Variants in NDUFA12 observed in about 807,000 individuals in gnomAD.
NDUFA12 encodes the protein NADH:ubiquinone oxidoreductase subunit A12, also known as NADH dehydrogenase [ubiquinone] 1 alpha subcomplex subunit 12.
In NDUFA12, 17 loss-of-function variants were observed where a neutral mutation model predicts 20.3. The ratio of observed to expected loss-of-function variants is 0.84; its 90% CI spans 0.57 to 1.26. The LOEUF (loss-of-function observed/expected upper bound fraction) is 1.26, where lower values mean the gene tolerates loss of function less well. Among genes scored for constraint, NDUFA12 ranks in the 50% most tolerant of loss-of-function variants. The pLI, the probability that NDUFA12 is intolerant of heterozygous loss-of-function variation, is 0.00. For missense variants in NDUFA12, 191 were observed against 183.7 expected (o/e 1.04, Z -0.23); for synonymous variants, 72 against 63.6 (o/e 1.13, Z -0.63).
At chr12:94,985,012 G>GATAAAATAAA (rs1327187233) in intron 3 of NDUFA12, among the ~76,000 whole-genome samples, 21 of 147,320 alleles carry the variant, frequency 1.4e-4, no homozygotes, top group African/African-American at 4.0e-4. Context: ...CATAAAATAA[G>GATAAAATAAA]ATAAAATAAA....
Position 94,971,607 on chromosome 12 carries a change from G to A in NDUFA12, c.271C>T (p.His91Tyr). 6.2e-7 allele frequency: 1 copy of A among 1,614,148 alleles called. No individual in the cohort carries two copies. Among genetic ancestry groups the A allele is most frequent in the African/African-American group, 1.3e-5 (1 of 75,044 alleles). The stretch of plus-strand genomic sequence containing the variant: ...GTTGGAGGATCATCAGTCATACTGT[G>A]AAGCCAACGATGCCTTAAAGAGGGG... The part of the protein sequence containing the change: ...MVPPEWHRWL[H>Y]SMTDDPPTTK... The change falls in exon 4 of 4, where the codon CAC becomes TAC. Residue 91 changes from histidine (H) to tyrosine (Y), a missense_variant. Coordinates refer to ENST00000327772, the MANE Select transcript of NDUFA12 (RefSeq NM_018838.5).
chr12:94,989,045 A>G (rs1462184606), intron 3 of NDUFA12, among the ~76,000 whole-genome samples: 1 of 152,074 alleles, frequency 6.6e-6, no homozygotes, highest in African/African-American at 2.4e-5. Flanking sequence ...ATACATCTCA[A>G]ACATACAGGC....
chr12:94,988,860 T>C (rs192010317), intron 3 of NDUFA12, among the ~76,000 whole-genome samples: 1 of 152,320 alleles, frequency 6.6e-6, no homozygotes, highest in African/African-American at 2.4e-5. Flanking sequence ...CACACTGCCA[T>C]GTTGTCTGCT....
chr12:95,002,759 T>C lies in NDUFA12; in HGVS notation c.149A>G (p.Glu50Gly). ...GEDKYGNKYYEDNKQFFGRHR... is the reference protein window; with the variant it reads ...GEDKYGNKYYGDNKQFFGRHR... ...CTCACCAAAAAATTGCTTGTTGTCTTCATAGTATTTGTTTCCATATTTGTC... is the reference window on the plus strand; with the variant it reads ...CTCACCAAAAAATTGCTTGTTGTCTCCATAGTATTTGTTTCCATATTTGTC... The change falls in exon 2 of 4, where the codon GAA becomes GGA. Residue 50 changes from glutamate (E) to glycine (G), a missense_variant. Coordinates refer to ENST00000327772, the MANE Select transcript of NDUFA12 (RefSeq NM_018838.5). The C allele has an allele frequency of 3.7e-6, 6 of 1,614,062 alleles. No homozygotes were observed. The highest frequency in any genetic ancestry group is 5.1e-6 in the Non-Finnish European group (6 of 1,179,924).
chr12:94,976,447 G>T (rs1449037628), intron 3 of NDUFA12, among the ~76,000 whole-genome samples: 2 of 152,138 alleles, frequency 1.3e-5, no homozygotes, highest in East Asian at 3.8e-4. Context: ...ATCATTTGTG[G>T]ATATGCAAAT....
chr12:95,002,792 A>G lies in NDUFA12; in HGVS notation c.116T>C (p.Val39Ala). 6.2e-7 allele frequency: 1 copy of G among 1,614,056 alleles called. No individual in the cohort carries two copies. Among genetic ancestry groups the G allele is most frequent in the East Asian group, 2.2e-5 (1 of 44,856 alleles). Residue 39 changes from valine to alanine, a missense_variant, in exon 2 of 4, where the codon GTG becomes GCG. Val to Ala is a moderately conservative substitution (Grantham distance 64, BLOSUM62 0). Coordinates refer to ENST00000327772, the MANE Select transcript of NDUFA12 (RefSeq NM_018838.5). ...TTTGTTTCCATATTTGTCTTCCCCC[A>G]CTAATGTACCAACCTTCGCATCATT... ...RTNDAKVGTLVGEDKYGNKYY... is the reference protein window; with the variant it reads ...RTNDAKVGTLAGEDKYGNKYY...
intron 3 of NDUFA12, among the ~76,000 whole-genome samples, chr12:94,993,453 C>A (rs879618749): frequency 7.1e-6 from 1 of 140,880 alleles, no homozygotes; most frequent in Non-Finnish European, 1.5e-5. Flanking sequence ...GGTGAAACCC[C>A]ATCTCTACTA....
In NDUFA12 at chr12:94,982,422, C is replaced by T. The variant is rs567159857; in HGVS notation, c.258-10802G>A. 3.3e-5 allele frequency among the ~76,000 whole-genome samples: 5 copies of T among 152,026 alleles called. No individual in the cohort carries two copies. In the East Asian group the frequency reaches 5.8e-4, roughly 18 times the overall value. On this transcript the variant is annotated intron_variant, in intron 3 of 3. Transcript: ENST00000327772. ...CCAAGTAGCTGGGACTACAGGCGAC[C>T]GCCACTAGGCCCGGCTAATTTTTTT...
chr12:94,983,120 C>G (rs944560187), intron 3 of NDUFA12, among the ~76,000 whole-genome samples: 1 of 152,142 alleles, frequency 6.6e-6, no homozygotes, highest in Non-Finnish European at 1.5e-5. Context: ...ATCTCAGTAA[C>G]TGTACCTCTA....
At chr12:94,978,439 G>T (rs1310004373) in intron 3 of NDUFA12, among the ~76,000 whole-genome samples, 1 of 152,210 alleles carries the variant, frequency 6.6e-6, no homozygotes. Flanking sequence ...TAGACTGGGG[G>T]ATGACACTGA....
chr12:94,994,427 A>T (rs368299869), intron 2 of NDUFA12, 170 bp from the exon 3 acceptor site: 9 of 585,502 alleles, frequency 1.5e-5, no homozygotes, highest in African/African-American at 1.5e-4. Context: ...AAGCTCCAGG[A>T]GGTGTGTGGC....
intron 3 of NDUFA12, among the ~76,000 whole-genome samples, chr12:94,986,852 A>G (rs868544604): frequency 6.7e-6 from 1 of 148,774 alleles, no homozygotes; most frequent in African/African-American, 2.5e-5. Flanking sequence ...AGAACTCCAA[A>G]TGCAGCTTGA....
rs556958154 is a variant in NDUFA12, at chr12:94,974,679, T to C, written c.258-3059A>G. Among the ~76,000 whole-genome samples, 4 of 152,268 alleles carry C rather than the reference T, an allele frequency of 2.6e-5. No homozygotes were observed. In the East Asian group the frequency reaches 7.7e-4, roughly 29 times the overall value. ...TATTCAGCCATAAAAAAGAACAACA[T>C]CCTGTCATTAGTAACAACATGGATG... On this transcript the variant is annotated intron_variant, in intron 3 of 3. Transcript: ENST00000327772.
intron 3 of NDUFA12, among the ~76,000 whole-genome samples, chr12:94,985,007 A>ATAAC (rs756547609): frequency 1.4e-5 from 2 of 147,366 alleles, no homozygotes; most frequent in Admixed American, 6.8e-5. Context: ...CATAACATAA[A>ATAAC]ATAAGATAAA....
chr12:94,979,037 A>G (rs1446432487), intron 3 of NDUFA12, among the ~76,000 whole-genome samples: 8 of 152,232 alleles, frequency 5.3e-5, no homozygotes, highest in Non-Finnish European at 1.2e-4. Flanking sequence ...GCTTTCTTCT[A>G]AAGAAGGTGT....
chr12:94,983,436 G>A (rs944511383), intron 3 of NDUFA12, among the ~76,000 whole-genome samples: 3 of 152,168 alleles, frequency 2.0e-5, no homozygotes, highest in South Asian at 2.1e-4. Context: ...GGTGGCCTGT[G>A]CAGAGGTCTA....
rs369866609 is a variant in NDUFA12 at position 95,001,047 on chromosome 12, G to A, written c.169+1692C>T. On this transcript the variant is annotated intron_variant, in intron 2 of 3. Transcript: ENST00000327772. Reference sequence around the variant, plus strand: ...TTTACTAGCACGGTGGCTCATGCCCGTGATCCCAGCACTTTGGGAGGCTGA... The same window carrying A: ...TTTACTAGCACGGTGGCTCATGCCCATGATCCCAGCACTTTGGGAGGCTGA... Among the ~76,000 whole-genome samples the A allele has an allele frequency of 2.8e-4, 43 of 152,320 alleles. No individual in the cohort carries two copies. The South Asian group carries it at 7.9e-3, about 28-fold the overall frequency.
At chr12:94,983,878 G>A (rs1474819583) in intron 3 of NDUFA12, among the ~76,000 whole-genome samples, 1 of 72,338 alleles carries the variant, frequency 1.4e-5, no homozygotes, top group African/African-American at 5.9e-5. Flanking sequence ...AAGTCATTAA[G>A]TGGGCCCGAG....
At chr12:94,998,882 C>G (rs113089445) in intron 2 of NDUFA12, among the ~76,000 whole-genome samples, 21,312 of 152,148 alleles carry the variant, frequency 0.14, 2,042 homozygotes, top group Non-Finnish European at 0.19. Context: ...TGCACATAAT[C>G]AATATTGTGA....
Sources: gnomAD v4.1 joint callset for allele counts (sites outside exome capture counted in the v4.1 genomes callset) on GRCh38, gnomAD v4.1.1 for gene constraint, MANE v1.5 for transcripts, NCBI Gene and HGNC (gene_info 2026-07-23, HGNC 2026-07-21) for gene names.